Variants in HIVEP3 observed in about 807,000 individuals in gnomAD.
HIVEP3 encodes the protein HIVEP zinc finger 3, also known as transcription factor HIVEP3.
In HIVEP3, 49 loss-of-function variants were observed where a neutral mutation model predicts 152.8. The observed-to-expected ratio is 0.32, with a 90% CI of 0.26 to 0.41. HIVEP3 has a LOEUF of 0.41. HIVEP3 is among the 10% of genes least tolerant of loss of function. The pLI, the probability that HIVEP3 is intolerant of heterozygous loss-of-function variation, is 1.00. For missense variants in HIVEP3, 2,790 were observed against 3,103.3 expected (o/e 0.90, Z 2.40); for synonymous variants, 1,269 against 1,289.0 (o/e 0.98, Z 0.33).
chr1:41,849,626 G>C (rs994915138), intron 1 of HIVEP3, among the ~76,000 whole-genome samples: 1 of 151,872 alleles, frequency 6.6e-6, no homozygotes, highest in African/African-American at 2.4e-5. Context: ...TATTTGCACA[G>C]ACATGCAACT....
rs1570807035 is a variant in HIVEP3, at chr1:41,918,128, G to A, written c.-801+285C>T. Among the ~76,000 whole-genome samples, 1 of 152,138 alleles carries A rather than the reference G, an allele frequency of 6.6e-6. No individual in the cohort carries two copies. The highest frequency in any genetic ancestry group is 1.5e-5 in the Non-Finnish European group (1 of 68,016). ...CAGCCCCGCCGCCGCCGCCGCCGCCGCCGCCTGTGATTGACGCGCGGGGGT... is the reference window on the plus strand; with the variant it reads ...CAGCCCCGCCGCCGCCGCCGCCGCCACCGCCTGTGATTGACGCGCGGGGGT... On this transcript the variant is annotated intron_variant, in intron 1 of 8. Coordinates refer to ENST00000372583, the MANE Select transcript of HIVEP3 (RefSeq NM_024503.5). The surrounding 1 kb of genome is among the most constrained non-coding windows in gnomAD (Gnocchi z 4.3).
intron 1 of HIVEP3, among the ~76,000 whole-genome samples, chr1:41,744,106 C>A (rs1456115340): frequency 3.3e-5 from 5 of 151,988 alleles, no homozygotes; most frequent in Non-Finnish European, 7.4e-5. Flanking sequence ...GTGATGCGAT[C>A]TTGACTCACT....
At chr1:41,992,210 T>C (rs1357148881) in intron 1 of HIVEP3, among the ~76,000 whole-genome samples, 1 of 151,736 alleles carries the variant, frequency 6.6e-6, no homozygotes, top group Admixed American at 6.6e-5. Context: ...AGTCAAATTG[T>C]CCCTCTTTGC....
Position 41,668,140 on chromosome 1 carries a change from C to T in HIVEP3, c.-721+32776G>A, listed in dbSNP as rs565769727. Among the ~76,000 whole-genome samples the T allele has an allele frequency of 1.3e-4, 20 of 152,248 alleles. No homozygotes were observed. In the South Asian group the frequency reaches 2.3e-3, roughly 17 times the overall value. ...TATAATCCATGTGGCCAGCCCAGGG[C>T]GAAGGGCTGGGTAGGGCAGTGGGTG... On this transcript the variant is annotated intron_variant, in intron 2 of 8. Transcript: ENST00000372583.
chr1:41,709,785 C>T (rs988453624), intron 1 of HIVEP3, among the ~76,000 whole-genome samples: 3 of 152,148 alleles, frequency 2.0e-5, no homozygotes, highest in South Asian at 4.1e-4. Flanking sequence ...AGCTCAGTAA[C>T]CCCCGCCCTC....
intron 5 of HIVEP3, among the ~76,000 whole-genome samples, chr1:41,572,218 G>A (rs571053844): frequency 6.6e-6 from 1 of 152,346 alleles, no homozygotes; most frequent in South Asian, 2.1e-4. Flanking sequence ...CAGTTCAGGG[G>A]TGAGGTCCTG....
intron 5 of HIVEP3, among the ~76,000 whole-genome samples, chr1:41,541,563 C>T (rs189485085): frequency 1.2e-3 from 190 of 152,328 alleles, no homozygotes; most frequent in Admixed American, 2.4e-3. Flanking sequence ...TCTGATGAAG[C>T]TCCAGTTCTC....
intron 1 of HIVEP3, among the ~76,000 whole-genome samples, chr1:41,914,852 A>C (rs1226252629): frequency 6.6e-6 from 1 of 152,234 alleles, no homozygotes; most frequent in Non-Finnish European, 1.5e-5. Flanking sequence ...CCAGAATTAA[A>C]GTCATCAAGT....
At chr1:41,910,551 A>G (rs1260818139) in intron 1 of HIVEP3, among the ~76,000 whole-genome samples, 1 of 152,004 alleles carries the variant, frequency 6.6e-6, no homozygotes, top group African/African-American at 2.4e-5. Context: ...GGATAAGATA[A>G]GAAGTGCAAA....
intron 5 of HIVEP3, among the ~76,000 whole-genome samples, chr1:41,572,411 G>T (rs1644263943): frequency 9.1e-6 from 1 of 109,340 alleles, no homozygotes; most frequent in South Asian, 3.6e-4. Context: ...CTCTCCACTT[G>T]TCTGGGTCTC....
At chr1:41,966,356 C>T (rs566458153) in intron 1 of HIVEP3, among the ~76,000 whole-genome samples, 10 of 151,948 alleles carry the variant, frequency 6.6e-5, no homozygotes, top group East Asian at 3.9e-4. Flanking sequence ...ATCATGATGA[C>T]GGGATCAAAT....
chr1:41,575,872 G>C (rs1373627527), intron 4 of HIVEP3, among the ~76,000 whole-genome samples, 183 bp from the exon 5 acceptor site: 7 of 152,204 alleles, frequency 4.6e-5, no homozygotes, highest in African/African-American at 1.4e-4. Context: ...GATCCCCAGA[G>C]AGAATTCCCT....
At chr1:41,826,098 T>G (rs189304072) in intron 1 of HIVEP3, among the ~76,000 whole-genome samples, 19 of 152,330 alleles carry the variant, frequency 1.2e-4, no homozygotes, top group Non-Finnish European at 1.5e-5. Context: ...TCCCTTGCTC[T>G]GACATAGGAC....
At chr1:41,855,738 G>A (rs1643747570) in intron 1 of HIVEP3, among the ~76,000 whole-genome samples, 2 of 152,094 alleles carry the variant, frequency 1.3e-5, no homozygotes, top group South Asian at 2.1e-4. Context: ...GATTAGAAAC[G>A]GCACTAGGGT....
intron 5 of HIVEP3, among the ~76,000 whole-genome samples, chr1:41,573,875 A>C (rs1644287715): frequency 6.6e-6 from 1 of 152,142 alleles, no homozygotes; most frequent in African/African-American, 2.4e-5. Context: ...ACCTGGAAGG[A>C]GGTGGAGAGG....
chr1:41,596,321 C>T (rs971649419), intron 3 of HIVEP3, among the ~76,000 whole-genome samples: 3 of 152,200 alleles, frequency 2.0e-5, no homozygotes, highest in African/African-American at 7.2e-5. Context: ...CCAGGGTGAC[C>T]AGCCCCTCAT....
At chr1:41,745,719 C>T (rs1002312295) in intron 1 of HIVEP3, among the ~76,000 whole-genome samples, 18 of 152,218 alleles carry the variant, frequency 1.2e-4, no homozygotes, top group South Asian at 4.1e-4. Flanking sequence ...GGCAGGATGA[C>T]GTGGATGATA....
In HIVEP3 at chr1:41,510,818, G is replaced by C. The variant is rs374319074; in HGVS notation, c.6854C>G (p.Pro2285Arg). The C allele has an allele frequency of 2.5e-6, 4 of 1,612,566 alleles. No individual in the cohort carries two copies. Among genetic ancestry groups the C allele is most frequent in the Admixed American group, 1.7e-5 (1 of 59,982 alleles). The change falls in exon 9 of 9, where the codon CCG becomes CGG. Residue 2285 changes from proline (P) to arginine (R), a missense_variant. Coordinates refer to ENST00000372583, the MANE Select transcript of HIVEP3 (RefSeq NM_024503.5). ...PKERERTGGG[P>R]GRPPDWTPHG... ...GGGTGTCCAGTCAGGAGGCCTGCCC[G>C]GGCCTCCGCCGGTCCTCTCCCTCTC...
intron 1 of HIVEP3, among the ~76,000 whole-genome samples, chr1:41,739,789 C>T (rs1646970767): frequency 6.6e-6 from 1 of 152,238 alleles, no homozygotes; most frequent in Non-Finnish European, 1.5e-5. Context: ...TCTCAGAGAC[C>T]ATGTGACTTG....
Sources: gnomAD v4.1 joint callset for allele counts (sites outside exome capture counted in the v4.1 genomes callset) on GRCh38, gnomAD v4.1.1 for gene constraint, Gnocchi (gnomAD v3.1) non-coding constraint, MANE v1.5 for transcripts, NCBI Gene and HGNC (gene_info 2026-07-23, HGNC 2026-07-21) for gene names.